PLD5: variants seen among roughly 807,000 people sequenced by gnomAD.
PLD5 encodes the protein phospholipase D family member 5, also known as inactive phospholipase D5.
PLD5 carries 36 observed loss-of-function variants against 61.1 expected under a neutral mutation model. The observed-to-expected ratio is 0.59, with a 90% CI of 0.45 to 0.78. The LOEUF is 0.78. Among genes scored for constraint, PLD5 ranks in the 30% least tolerant of loss-of-function variants. PLD5 has a pLI of 0.00. For synonymous variants in PLD5, 243 were observed against 242.8 expected, an observed-to-expected ratio of 1.00 and a Z score of -0.01; for missense variants, 515 against 644.4, an observed-to-expected ratio of 0.80 and a Z score of 2.17.
intron 1 of PLD5, among the ~76,000 whole-genome samples, chr1:242,520,986 A>G (rs909387604): frequency 1.3e-5 from 2 of 152,242 alleles, no homozygotes; most frequent in African/African-American, 2.4e-5. Context: ...GGACATTATG[A>G]AGCAGAACAG....
intron 2 of PLD5, among the ~76,000 whole-genome samples, chr1:242,299,213 T>C (rs901506598): frequency 6.6e-6 from 1 of 152,206 alleles, no homozygotes; most frequent in African/African-American, 2.4e-5. Flanking sequence ...AGGCATGCGA[T>C]GTGAAATGAG....
intron 1 of PLD5, among the ~76,000 whole-genome samples, chr1:242,477,254 AAAG>A (rs1667623555): frequency 1.3e-5 from 2 of 152,112 alleles, no homozygotes; most frequent in South Asian, 4.2e-4. Flanking sequence ...CTAACTCAAA[AAAG>A]AAAAAAAAAA....
chr1:242,399,206 T>C (rs1022054980), intron 1 of PLD5, among the ~76,000 whole-genome samples: 2 of 152,194 alleles, frequency 1.3e-5, no homozygotes, highest in East Asian at 1.9e-4. Context: ...ATTCTACACA[T>C]AGTAGGGGCT....
intron 2 of PLD5, among the ~76,000 whole-genome samples, chr1:242,311,430 C>T (rs1214817396): frequency 6.6e-6 from 1 of 152,210 alleles, no homozygotes; most frequent in African/African-American, 2.4e-5. Context: ...TTTACTTCCA[C>T]TTCTGACCAG....
At chr1:242,383,296 G>GT (rs749751002) in intron 1 of PLD5, among the ~76,000 whole-genome samples, 15 of 152,030 alleles carry the variant, frequency 9.9e-5, no homozygotes, top group Non-Finnish European at 1.9e-4. Flanking sequence ...TATACAAAGT[G>GT]TAACGATGAC....
At chr1:242,472,251 A>G (rs1185980963) in intron 1 of PLD5, among the ~76,000 whole-genome samples, 1 of 152,208 alleles carries the variant, frequency 6.6e-6, no homozygotes, top group Non-Finnish European at 1.5e-5. Context: ...CTGAAGATGC[A>G]TGGGCTTGAT....
At chr1:242,202,323 C>G (rs1669035494) in intron 5 of PLD5, among the ~76,000 whole-genome samples, 1 of 152,156 alleles carries the variant, frequency 6.6e-6, no homozygotes, top group African/African-American at 2.4e-5. Context: ...CCTCATTCCT[C>G]CCTGACATGT....
At chr1:242,123,627 A>T in intron 6 of PLD5, among the ~76,000 whole-genome samples, 1 of 152,242 alleles carries the variant, frequency 6.6e-6, no homozygotes, top group East Asian at 1.9e-4. Context: ...AAGCCAACAC[A>T]GACAGGTGGA....
At chr1:242,125,837 A>T (rs1662743110) in intron 5 of PLD5, among the ~76,000 whole-genome samples, 1 of 152,170 alleles carries the variant, frequency 6.6e-6, no homozygotes, top group South Asian at 2.1e-4. Flanking sequence ...CATGGCCTGG[A>T]GATCTTTCCA....
At chr1:242,207,880 A>ATATTTATATATATTTTTATATATATT (rs1558344326) in intron 5 of PLD5, among the ~76,000 whole-genome samples, 1 of 15,898 alleles carries the variant, frequency 6.3e-5, no homozygotes, top group African/African-American at 4.9e-4. Context: ...ATATATATTT[A>ATATTTATATATATTTTTATATATATT]TATATTTATA....
At chr1:242,128,359 C>G (rs572111028) in intron 5 of PLD5, among the ~76,000 whole-genome samples, 1 of 151,872 alleles carries the variant, frequency 6.6e-6, no homozygotes, top group African/African-American at 2.4e-5. Context: ...CCTTGTTTCT[C>G]AGAAGTATTT....
chr1:242,450,635 C>T (rs894556371), intron 1 of PLD5, among the ~76,000 whole-genome samples: 2 of 152,126 alleles, frequency 1.3e-5, no homozygotes, highest in Non-Finnish European at 2.9e-5. Context: ...AATTCATCCC[C>T]AGGAATATAA....
intron 1 of PLD5, among the ~76,000 whole-genome samples, chr1:242,392,609 G>A (rs1004579763): frequency 3.9e-5 from 6 of 152,128 alleles, no homozygotes; most frequent in Non-Finnish European, 5.9e-5. Context: ...GTCTGGATGG[G>A]ACAAGGCTGA....
At chr1:242,514,948 G>A (rs1669055957) in intron 1 of PLD5, among the ~76,000 whole-genome samples, 1 of 152,178 alleles carries the variant, frequency 6.6e-6, no homozygotes, top group Admixed American at 6.5e-5. Context: ...TATAGCTGGA[G>A]AGAAGCAGTA....
intron 1 of PLD5, among the ~76,000 whole-genome samples, chr1:242,454,177 A>C (rs1268343437): frequency 1.3e-4 from 20 of 152,066 alleles, no homozygotes; most frequent in Admixed American, 1.3e-3. Flanking sequence ...CTAAAAGTAC[A>C]AAAATATTCG....
chr1:242,281,193 C>T (rs1674699228), intron 3 of PLD5, among the ~76,000 whole-genome samples: 1 of 152,132 alleles, frequency 6.6e-6, no homozygotes. Flanking sequence ...GTAAGGATGG[C>T]TATGAAACAA....
intron 1 of PLD5, among the ~76,000 whole-genome samples, chr1:242,434,700 G>A (rs942493993): frequency 4.6e-5 from 7 of 151,950 alleles, no homozygotes; most frequent in African/African-American, 1.2e-4. Context: ...TGCAAGCTCC[G>A]CCTCCCAGCT....
intron 5 of PLD5, among the ~76,000 whole-genome samples, chr1:242,139,893 A>C (rs956839886): frequency 6.6e-6 from 1 of 152,170 alleles, no homozygotes; most frequent in Non-Finnish European, 1.5e-5. Flanking sequence ...TACAGAGGCC[A>C]TTGGCAGGGA....
In PLD5 at chr1:242,369,895, C is replaced by A. The variant is rs1298042705; in HGVS notation, c.190-21653G>T. 2.6e-5 allele frequency among the ~76,000 whole-genome samples: 4 copies of A among 152,098 alleles called. 1 individual carries two copies. Among genetic ancestry groups the A allele is most frequent in the Admixed American group, 2.0e-4 (3 of 15,264 alleles). ...TTACTAAGCAGAGGTAGATACTATC[C>A]CAAGTTTCACAAATTACAGGGGACA... On this transcript the variant is annotated intron_variant, in intron 1 of 9. Transcript: ENST00000536534.
Sources: gnomAD v4.1 joint callset for allele counts (sites outside exome capture counted in the v4.1 genomes callset) on GRCh38, gnomAD v4.1.1 for gene constraint, MANE v1.5 for transcripts, NCBI Gene and HGNC (gene_info 2026-07-23, HGNC 2026-07-21) for gene names.